Variants in AXDND1 observed in about 807,000 individuals in gnomAD.
AXDND1 encodes axonemal dynein light chain domain-containing protein 1.
In AXDND1, 110 loss-of-function variants were observed where a neutral mutation model predicts 137.5. The ratio of observed to expected loss-of-function variants is 0.80; its 90% CI spans 0.69 to 0.94. The LOEUF is 0.94. Among genes scored for constraint, AXDND1 ranks in the 40% least tolerant of loss-of-function variants. The pLI is 0.00. For missense variants in AXDND1, 1,191 were observed against 1,169.8 expected, an observed-to-expected ratio of 1.02 and a Z score of -0.26; for synonymous variants, 414 against 399.7, an observed-to-expected ratio of 1.04 and a Z score of -0.43.
At position 179,554,607 on chromosome 1, in the gene AXDND1, T is replaced by C; in HGVS notation, c.*88T>C. 2 of 1,586,466 alleles carry C rather than the reference T, an allele frequency of 1.3e-6. No homozygotes were observed. ...AGCATGCCTAAACCCTGGTGGCCAT[T>C]GTTCTGTACTAAGGAACAACATTCC... On this transcript the variant is annotated 3_prime_UTR_variant, in exon 26 of 26. Transcript: ENST00000367618.
At chr1:179,503,776 A>G (rs1384886506) in intron 20 of AXDND1, among the ~76,000 whole-genome samples, 1 of 151,832 alleles carries the variant, frequency 6.6e-6, no homozygotes, top group African/African-American at 2.4e-5. Context: ...CTCATTGTTC[A>G]ATTCCCACCT....
chr1:179,460,383 T>A (rs35124283), intron 16 of AXDND1, among the ~76,000 whole-genome samples: 25,528 of 152,128 alleles, frequency 0.17, 2,496 homozygotes, highest in East Asian at 0.35. Context: ...CATCCTTTTT[T>A]ATGGCTGGGC....
intron 16 of AXDND1, among the ~76,000 whole-genome samples, chr1:179,460,118 G>A (rs1662103238): frequency 1.3e-5 from 2 of 151,224 alleles, no homozygotes; most frequent in Admixed American, 1.3e-4. Flanking sequence ...GTGTATACAT[G>A]TGCCATGTTG....
At chr1:179,502,564 A>T (rs1367081344) in intron 20 of AXDND1, among the ~76,000 whole-genome samples, 2 of 36,380 alleles carry the variant, frequency 5.5e-5, no homozygotes, top group Non-Finnish European at 1.0e-4. Context: ...ACTCTGTCTA[A>T]AAAAAAAAAA....
intron 9 of AXDND1, among the ~76,000 whole-genome samples, chr1:179,392,480 G>T (rs1056475860): frequency 2.6e-5 from 4 of 152,054 alleles, no homozygotes; most frequent in African/African-American, 9.7e-5. Flanking sequence ...TTTTCCTGTG[G>T]GTAGATACCC....
In AXDND1 at chr1:179,383,457, AGT is replaced by A; in HGVS notation, c.655_656del (p.Val219ArgfsTer7). 6.2e-7 allele frequency: 1 copy of A among 1,613,754 alleles called. No homozygotes were observed. The highest frequency in any genetic ancestry group is 8.5e-7 in the Non-Finnish European group (1 of 1,179,672). On this transcript the variant is annotated frameshift_variant, in exon 8 of 26. Coordinates refer to ENST00000367618, the MANE Select transcript of AXDND1 (RefSeq NM_144696.6). LOFTEE classifies it high-confidence loss of function. ...AATTTTTTAGGAAACCTAATAAAAG[AGT>A]AGAAGTGGCCCAGCTGAATGATGTG... Reference protein sequence around the residue: ...LFPSMKPNKRVEVAQLNDVMD... With the variant: ...LFPSMKPNKRXEVAQLNDVMD...
At chr1:179,522,906 A>G (rs1267335542) in intron 21 of AXDND1, among the ~76,000 whole-genome samples, 6 of 149,580 alleles carry the variant, frequency 4.0e-5, no homozygotes, top group African/African-American at 1.5e-4. Flanking sequence ...GCTATAAAGT[A>G]TTTTGTTATA....
intron 11 of AXDND1, among the ~76,000 whole-genome samples, chr1:179,402,235 A>T (rs1652210691): frequency 6.6e-6 from 1 of 151,968 alleles, no homozygotes; most frequent in African/African-American, 2.4e-5. Context: ...CTAATATGTA[A>T]CATGAGATAC....
At chr1:179,486,344 A>G (rs959978523) in intron 18 of AXDND1, among the ~76,000 whole-genome samples, 5 of 152,152 alleles carry the variant, frequency 3.3e-5, no homozygotes, top group African/African-American at 1.2e-4. Flanking sequence ...AATATCAAAT[A>G]TACAACTCAT....
rs749236659 is a variant in AXDND1 at position 179,551,335 on chromosome 1, C to T, written c.3032-3177C>T. The T allele has an allele frequency of 3.1e-6, 5 of 1,614,114 alleles. No individual in the cohort carries two copies. The Admixed American group carries it at 8.3e-5, about 27-fold the overall frequency. The stretch of plus-strand genomic sequence containing the variant: ...CCACAGTGGAAGGCTTCTCTGTGGA[C>T]AGAGACTGAAGGGTGTGGAGGTATC... On this transcript the variant is annotated intron_variant, in intron 25 of 25. Transcript: ENST00000367618.
chr1:179,528,512 G>C, intron 23 of AXDND1, 81 bp downstream of exon 23: 1 of 941,212 alleles, frequency 1.1e-6, no homozygotes, highest in African/African-American at 1.6e-5. Flanking sequence ...ATAACTTTTA[G>C]CTACTCTAAG....
At chr1:179,416,291 A>G (rs990695338) in intron 12 of AXDND1, among the ~76,000 whole-genome samples, 1 of 152,190 alleles carries the variant, frequency 6.6e-6, no homozygotes, top group African/African-American at 2.4e-5. Context: ...GTGGCTGAAT[A>G]ATATTCCATT....
intron 20 of AXDND1, among the ~76,000 whole-genome samples, chr1:179,498,776 C>T (rs1041506931): frequency 6.6e-6 from 1 of 151,944 alleles, no homozygotes; most frequent in Non-Finnish European, 1.5e-5. Flanking sequence ...AGGATATGAA[C>T]AGATATTTCT....
intron 9 of AXDND1, among the ~76,000 whole-genome samples, chr1:179,388,834 G>T (rs7547634): frequency 4.0e-5 from 6 of 151,042 alleles, no homozygotes; most frequent in Non-Finnish European, 7.4e-5. Context: ...GGCCTCAAGC[G>T]ATCCGCCCAC....
At chr1:179,527,002 A>G (rs1208550785) in intron 22 of AXDND1, among the ~76,000 whole-genome samples, 1 of 152,238 alleles carries the variant, frequency 6.6e-6, no homozygotes, top group Non-Finnish European at 1.5e-5. Context: ...CCAGGAGAGG[A>G]TTCTTGGATC....
At chr1:179,468,342 T>G in intron 16 of AXDND1, 101 bp from the exon 17 acceptor site, 8 of 822,022 alleles carry the variant, frequency 9.7e-6, no homozygotes, top group Non-Finnish European at 1.5e-5. Context: ...TAAAAGATTT[T>G]TAAAAGATAA....
chr1:179,405,282 T>C (rs1203062401), intron 11 of AXDND1, among the ~76,000 whole-genome samples: 5 of 152,212 alleles, frequency 3.3e-5, no homozygotes, highest in Non-Finnish European at 5.9e-5. Flanking sequence ...TAGTATTCCA[T>C]GGTGTATATG....
At chr1:179,468,773 C>A (rs1248250216) in intron 17 of AXDND1, 132 bp downstream of exon 17, 8 of 628,314 alleles carry the variant, frequency 1.3e-5, no homozygotes, top group African/African-American at 1.9e-5. Flanking sequence ...ATATAAGTAA[C>A]CATTACCGGT....
At chr1:179,490,762 G>GTTTTTTTT (rs34944088) in intron 18 of AXDND1, among the ~76,000 whole-genome samples, 1 of 146,642 alleles carries the variant, frequency 6.8e-6, no homozygotes. Flanking sequence ...CACAGTACTT[G>GTTTTTTTT]TTTTTTTTTT....
Sources: gnomAD v4.1 joint callset for allele counts (sites outside exome capture counted in the v4.1 genomes callset) on GRCh38, gnomAD v4.1.1 for gene constraint, MANE v1.5 for transcripts, NCBI Gene and HGNC (gene_info 2026-07-23, HGNC 2026-07-21) for gene names.